PRTG: variants seen among roughly 807,000 people sequenced by gnomAD.
The protein encoded by PRTG is immunoglobulin superfamily, DCC subclass, member 5.
PRTG carries 67 observed loss-of-function variants against 122.5 expected under a neutral mutation model. The ratio of observed to expected loss-of-function variants is 0.55; its 90% CI spans 0.45 to 0.67. PRTG has a LOEUF of 0.67. Among genes scored for constraint, PRTG ranks in the 30% least tolerant of loss-of-function variants. PRTG has a pLI of 0.00. For missense variants in PRTG, 1,435 were observed against 1,415.4 expected, an observed-to-expected ratio of 1.01 and a Z score of -0.22; for synonymous variants, 554 against 501.1, an observed-to-expected ratio of 1.11 and a Z score of -1.41.
At chr15:55,691,585 G>A (rs1327995848) in intron 2 of PRTG, among the ~76,000 whole-genome samples, 1 of 151,392 alleles carries the variant, frequency 6.6e-6, no homozygotes, top group Non-Finnish European at 1.5e-5. Flanking sequence ...GGAGGCTGAG[G>A]CAGAAGAATC....
At chr15:55,735,467 C>T (rs1295143632) in intron 2 of PRTG, among the ~76,000 whole-genome samples, 1 of 151,894 alleles carries the variant, frequency 6.6e-6, no homozygotes, top group Non-Finnish European at 1.5e-5. Context: ...TTTTAAATTG[C>T]TCTGGACTTC....
intron 2 of PRTG, among the ~76,000 whole-genome samples, chr15:55,723,752 CTTTTT>C (rs769469226): frequency 7.1e-5 from 9 of 127,098 alleles, no homozygotes; most frequent in South Asian, 2.5e-4. Context: ...TTTCTTTTTT[CTTTTT>C]TTTTTTTTTT....
rs1008924452 is a variant in PRTG, at chr15:55,638,681, A to G, written c.2325-5T>C. On this transcript the variant is annotated splice_region_variant and splice_polypyrimidine_tract_variant and intron_variant, in intron 13 of 19. Transcript: ENST00000389286. ...ACCAACATGTGAGTTTCTGATCTAT[A>G]ATAACGAGTGATGAAGTTGTTAATG... The G allele has an allele frequency of 3.1e-6, 5 of 1,609,352 alleles. No individual in the cohort carries two copies. In the African/African-American group the frequency reaches 6.7e-5, roughly 22 times the overall value.
chr15:55,706,716 T>C (rs1056574639), intron 2 of PRTG, among the ~76,000 whole-genome samples: 8 of 151,818 alleles, frequency 5.3e-5, no homozygotes, highest in African/African-American at 1.9e-4. Context: ...CAGTGAGCCA[T>C]GCACATGCCA....
Position 55,672,563 on chromosome 15 carries a change from A to T in PRTG, c.1923T>A (p.Asp641Glu). ...CTTISVRWQQ[D>E]VEDTAAIQGY... ...CCTGAATAGCAGCTGTGTCCTCTAC[A>T]TCTTGCTGCCACCTCACAGAAATGG... The change falls in exon 11 of 20, where the codon GAT becomes GAA. Residue 641 changes from aspartate (D) to glutamate (E), a missense_variant. Transcript: ENST00000389286. The T allele has an allele frequency of 6.2e-7, 1 of 1,614,122 alleles. No individual in the cohort carries two copies. The highest frequency in any genetic ancestry group is 8.5e-7 in the Non-Finnish European group (1 of 1,180,022).
chr15:55,730,098 T>G (rs767623324), intron 2 of PRTG, among the ~76,000 whole-genome samples: 1 of 152,208 alleles, frequency 6.6e-6, no homozygotes, highest in Admixed American at 6.5e-5. Context: ...GTCTTTAATT[T>G]CAGCGTTGTT....
intron 10 of PRTG, 41 bp downstream of exon 10, chr15:55,673,330 G>T: frequency 7.0e-7 from 1 of 1,421,126 alleles, no homozygotes; most frequent in Non-Finnish European, 9.6e-7. Flanking sequence ...TGATTCAAAA[G>T]TAAAAATACT....
chr15:55,685,849 T>G (rs1334869252), intron 2 of PRTG, among the ~76,000 whole-genome samples: 1 of 152,196 alleles, frequency 6.6e-6, no homozygotes, highest in African/African-American at 2.4e-5. Context: ...TAAAAATCGA[T>G]ATCATGAATC....
intron 2 of PRTG, among the ~76,000 whole-genome samples, chr15:55,739,829 T>A (rs2031553026): frequency 6.6e-6 from 1 of 152,140 alleles, no homozygotes; most frequent in Non-Finnish European, 1.5e-5. Context: ...ATGGCCTTAA[T>A]CTCTTTCCCT....
rs1449537258 is a variant in PRTG at position 55,619,311 on chromosome 15, A to G, written c.*701T>C. On this transcript the variant is annotated 3_prime_UTR_variant, in exon 20 of 20. Transcript: ENST00000389286. ...TGTTTTGGTCATCGTTAGAAGAAAT[A>G]GCCCCACTTTTCCTCTTCTCAGTGG... 6.6e-6 allele frequency: 1 copy of G among 152,216 alleles called. No homozygotes were observed. Among genetic ancestry groups the G allele is most frequent in the Non-Finnish European group, 1.5e-5 (1 of 68,038 alleles). 9.4% of individuals were successfully genotyped at this position (152,216 alleles called of 1,614,324 possible). A position where few individuals can be genotyped will look rare whatever the true frequency, so the allele number is the denominator to read the frequency against.
intron 2 of PRTG, among the ~76,000 whole-genome samples, chr15:55,718,098 A>G (rs1372073919): frequency 6.6e-6 from 1 of 151,554 alleles, no homozygotes; most frequent in African/African-American, 2.4e-5. Flanking sequence ...CTCTTCTCCA[A>G]CCTCTCTCAC....
chr15:55,739,327 A>G (rs1295251147), intron 2 of PRTG, among the ~76,000 whole-genome samples: 1 of 150,562 alleles, frequency 6.6e-6, no homozygotes, highest in East Asian at 2.0e-4. Flanking sequence ...CTCAAACTCC[A>G]GGGCTCAAGG....
chr15:55,634,180 G>T (rs1170093111), intron 15 of PRTG, among the ~76,000 whole-genome samples: 2 of 146,740 alleles, frequency 1.4e-5, no homozygotes, highest in Non-Finnish European at 3.0e-5. Context: ...TGATTCTCCT[G>T]CCTCAGCCTA....
At chr15:55,720,769 A>G (rs2030786320) in intron 2 of PRTG, among the ~76,000 whole-genome samples, 1 of 152,202 alleles carries the variant, frequency 6.6e-6, no homozygotes, top group South Asian at 2.1e-4. Flanking sequence ...GGTCACACAT[A>G]AAACACGCTA....
At position 55,743,010 on chromosome 15, in the gene PRTG, G is replaced by A. The variant is rs1437843889; in HGVS notation, c.-79C>T. On this transcript the variant is annotated 5_prime_UTR_variant, in exon 1 of 20. Coordinates refer to ENST00000389286, the MANE Select transcript of PRTG (RefSeq NM_173814.6). ...GCGGCCCCCGCCCCGGGCGCTCTCT[G>A]CTCTGCGGCTGGTCGCACGCAGCCT... The A allele has an allele frequency of 1.5e-6, 2 of 1,354,380 alleles. No individual in the cohort carries two copies. The highest frequency in any genetic ancestry group is 1.9e-6 in the Non-Finnish European group (2 of 1,057,142). The allele number at this position is 1,354,380 out of a possible 1,614,324, so 83.9% of individuals were successfully genotyped here.
chr15:55,633,652 A>C (rs908050992), intron 15 of PRTG, among the ~76,000 whole-genome samples: 20 of 152,190 alleles, frequency 1.3e-4, no homozygotes, highest in African/African-American at 4.8e-4. Flanking sequence ...AAAAGCTGCC[A>C]TAATTATACA....
chr15:55,703,566 T>C (rs2029971167), intron 2 of PRTG, among the ~76,000 whole-genome samples: 1 of 152,138 alleles, frequency 6.6e-6, no homozygotes, highest in Admixed American at 6.6e-5. Flanking sequence ...AGGAAAATCA[T>C]ACACCTCAGC....
chr15:55,717,239 A>G (rs773359961), intron 2 of PRTG, among the ~76,000 whole-genome samples: 5 of 152,218 alleles, frequency 3.3e-5, no homozygotes, highest in Non-Finnish European at 7.3e-5. Context: ...TTCACATAAA[A>G]TAGTAGACAC....
intron 11 of PRTG, among the ~76,000 whole-genome samples, chr15:55,658,540 A>G (rs902560221): frequency 6.6e-6 from 1 of 151,986 alleles, no homozygotes; most frequent in African/African-American, 2.4e-5. Context: ...CTGGTCTTGA[A>G]CTTCTGACCT....
Sources: allele counts gnomAD v4.1 joint callset (sites outside exome capture counted in the v4.1 genomes callset), GRCh38; gene constraint gnomAD v4.1.1; transcripts MANE v1.5; gene names NCBI Gene and HGNC (gene_info 2026-07-23, HGNC 2026-07-21).